DNAJB1: variants seen among roughly 807,000 people sequenced by gnomAD.
The protein encoded by DNAJB1 is DnaJ heat shock protein family (Hsp40) member B1, also known as dnaJ homolog subfamily B member 1.
A neutral mutation model predicts 24.0 loss-of-function variants in DNAJB1; 14 were observed. The ratio of observed to expected loss-of-function variants is 0.58; its 90% confidence interval spans 0.39 to 0.91. The LOEUF (loss-of-function observed/expected upper bound fraction) is 0.91. Among genes scored for constraint, DNAJB1 ranks in the 40% least tolerant of loss-of-function variants. The pLI is 0.00. For missense variants in DNAJB1, 517 were observed against 458.1 expected, an observed-to-expected ratio of 1.13 and a Z score of -1.17; for synonymous variants, 262 against 174.4, an observed-to-expected ratio of 1.50 and a Z score of -3.96.
rs757150388 is a variant in DNAJB1 at position 14,516,459 on chromosome 19, A to C, written c.792+7T>G. The C allele has an allele frequency of 2.5e-6, 4 of 1,609,318 alleles. No homozygotes were observed. Among genetic ancestry groups the C allele is most frequent in the Non-Finnish European group, 3.4e-6 (4 of 1,176,438 alleles). On this transcript the variant is annotated splice_region_variant and intron_variant, in intron 2 of 2. Coordinates refer to ENST00000254322, the MANE Select transcript of DNAJB1 (RefSeq NM_006145.3). ...CTCTACAGACACCGCCCCACCTGGC[A>C]CCTTACCTCCCGGAGGCTGATCCTG...
At chr19:14,521,337 T>C (rs151024026), upstream of DNAJB1, among the ~76,000 whole-genome samples, 5 of 152,068 alleles carry the variant, frequency 3.3e-5, no homozygotes, top group African/African-American at 1.2e-4. Context: ...CAGGTGCCTG[T>C]AATCCCAGCT....
At chr19:14,518,712 C>T (rs1429517860), upstream of DNAJB1, among the ~76,000 whole-genome samples, 1 of 152,256 alleles carries the variant, frequency 6.6e-6, no homozygotes, top group African/African-American at 2.4e-5. Flanking sequence ...AGCTACCCTG[C>T]GTCCCGCCCT....
At chr19:14,539,768 C>A (rs1347984101) in intron 1 of DNAJB1, among the ~76,000 whole-genome samples, 1 of 152,260 alleles carries the variant, frequency 6.6e-6, no homozygotes, top group South Asian at 2.1e-4. Flanking sequence ...TTCCATGTCC[C>A]CCAGAGAGAC....
intron 1 of DNAJB1, among the ~76,000 whole-genome samples, chr19:14,546,645 C>CT (rs2073316584): frequency 6.6e-6 from 1 of 152,164 alleles, no homozygotes; most frequent in African/African-American, 2.4e-5. Flanking sequence ...TCTTTCTATG[C>CT]TTAGAACCTT....
At chr19:14,523,359 G>A (rs1005858631), upstream of DNAJB1, among the ~76,000 whole-genome samples, 1 of 151,384 alleles carries the variant, frequency 6.6e-6, no homozygotes, top group African/African-American at 2.4e-5. Flanking sequence ...CTGTCACCCA[G>A]GCTGGAGTGC....
chr19:14,557,113 T>TATTTATTTA (rs2073753179), intron 1 of DNAJB1, among the ~76,000 whole-genome samples: 1 of 69,672 alleles, frequency 1.4e-5, no homozygotes, highest in Non-Finnish European at 3.2e-5. Flanking sequence ...GTTGGTCTAA[T>TATTTATTTA]CTTATTTATT....
chr19:14,550,869 A>T (rs1190224870), upstream of DNAJB1, among the ~76,000 whole-genome samples: 4 of 152,002 alleles, frequency 2.6e-5, no homozygotes, highest in South Asian at 8.5e-4. Context: ...ACAGGGTTTC[A>T]CCATGTTAGC....
At chr19:14,518,458 C>G (rs2072318839), upstream of DNAJB1, 3 of 943,154 alleles carry the variant, frequency 3.2e-6, no homozygotes, top group African/African-American at 3.5e-5. Context: ...AGCCCGCCAG[C>G]CCCCTCCAGA....
chr19:14,518,641 G>GGCCCC (rs1207913578), upstream of DNAJB1, among the ~76,000 whole-genome samples: 1 of 152,106 alleles, frequency 6.6e-6, no homozygotes, highest in Admixed American at 6.5e-5. Context: ...GGTCGGAGGA[G>GGCCCC]GCCCCGCCCA....
At chr19:14,537,545 T>C (rs2072945765) in intron 1 of DNAJB1, among the ~76,000 whole-genome samples, 1 of 152,078 alleles carries the variant, frequency 6.6e-6, no homozygotes, top group Admixed American at 6.6e-5. Context: ...TCCTGCACTT[T>C]CATTGACAAG....
At chr19:14,517,197 C>T (rs2072284158) in intron 1 of DNAJB1, 151 bp from the exon 2 acceptor site, 2 of 706,468 alleles carry the variant, frequency 2.8e-6, no homozygotes, top group Non-Finnish European at 4.6e-6. Context: ...TTCTACCTCT[C>T]ACTGCCAACA....
chr19:14,536,985 CGAG>C (rs1444826594), intron 1 of DNAJB1, among the ~76,000 whole-genome samples: 1 of 52,514 alleles, frequency 1.9e-5, no homozygotes, highest in Admixed American at 2.5e-4. Flanking sequence ...GGGGCGGGGC[CGAG>C]GAGGAGGAGG....
Position 14,516,769 on chromosome 19 carries a change from T to C in DNAJB1, c.489A>G (p.Pro163=), listed in dbSNP as rs765013523. Residue 163 remains proline, a synonymous_variant, in exon 2 of 3, where the codon CCA becomes CCG. Coordinates refer to ENST00000254322, the MANE Select transcript of DNAJB1 (RefSeq NM_006145.3). ...GGGAGACTCGAAGGTCGTGGGTGACTGGGGGATCTTGCTTCTTTCGGGCGG... is the reference window on the plus strand; with the variant it reads ...GGGAGACTCGAAGGTCGTGGGTGACCGGGGGATCTTGCTTCTTTCGGGCGG... ...QEPARKKQDP[P]VTHDLRVSLE... is the part of the protein sequence containing the mutation. 6.2e-7 allele frequency: 1 copy of C among 1,613,970 alleles called. No homozygotes were observed.
At chr19:14,535,543 AATATATATATATATATATATAT>A (rs747348455) in intron 1 of DNAJB1, among the ~76,000 whole-genome samples, 1,206 of 32,662 alleles carry the variant, frequency 0.037, 34 homozygotes, top group Middle Eastern at 0.083. Context: ...AAAAAAAAAA[AATATATATATATATATATATAT>A]ATATATATAT....
chr19:14,522,232 C>T (rs1052323522), upstream of DNAJB1, among the ~76,000 whole-genome samples: 4 of 152,006 alleles, frequency 2.6e-5, no homozygotes, highest in African/African-American at 7.2e-5. Context: ...TAGGTTAGCA[C>T]GTCTACAGTT....
upstream of DNAJB1, among the ~76,000 whole-genome samples, chr19:14,521,468 TA>T (rs2072358556): frequency 6.7e-6 from 1 of 148,280 alleles, no homozygotes; most frequent in Non-Finnish European, 1.5e-5. Flanking sequence ...ATAATAATAA[TA>T]ATAATAATAA....
chr19:14,559,137 G>T (rs2073831757), intron 1 of DNAJB1, among the ~76,000 whole-genome samples: 2 of 152,194 alleles, frequency 1.3e-5, no homozygotes, highest in South Asian at 4.1e-4. Context: ...TGATGGGTAT[G>T]TGGGGCCTGT....
chr19:14,526,892 C>T (rs533689383), intron 2 of DNAJB1, among the ~76,000 whole-genome samples: 1 of 152,196 alleles, frequency 6.6e-6, no homozygotes, highest in Non-Finnish European at 1.5e-5. Context: ...TCAGGTAACT[C>T]AATCTGATAG....
At chr19:14,550,424 G>C (rs1473978119), upstream of DNAJB1, among the ~76,000 whole-genome samples, 3 of 152,100 alleles carry the variant, frequency 2.0e-5, no homozygotes, top group African/African-American at 7.2e-5. Flanking sequence ...GCCCGGATGA[G>C]CTCCTCCTGC....
Sources: gnomAD v4.1 joint callset for allele counts (sites outside exome capture counted in the v4.1 genomes callset) on GRCh38, gnomAD v4.1.1 for gene constraint, MANE v1.5 for transcripts, NCBI Gene and HGNC (gene_info 2026-07-23, HGNC 2026-07-21) for gene names.